OPN3: variants seen among roughly 807,000 people sequenced by gnomAD.
The protein encoded by OPN3 is opsin 3.
In OPN3, 29 loss-of-function variants were observed where a neutral mutation model predicts 33.8. That is an observed-to-expected ratio of 0.86 (90% CI 0.64 to 1.17). The LOEUF is 1.17. OPN3 is among the 50% of genes most tolerant of loss of function. The pLI, the probability that OPN3 is intolerant of heterozygous loss-of-function variation, is 0.00. For missense variants in OPN3, 437 were observed against 514.1 expected, an observed-to-expected ratio of 0.85 and a Z score of 1.45; for synonymous variants, 216 against 216.1, an observed-to-expected ratio of 1.00 and a Z score of 0.00.
rs772054273 is a variant in OPN3 at position 241,640,008 on chromosome 1, T to C, written c.247A>G (p.Ile83Val). Residue 83 changes from isoleucine to valine, a missense_variant, in exon 1 of 4, where the codon ATC becomes GTC. Ile to Val is a conservative substitution (Grantham distance 29, BLOSUM62 3). Transcript: ENST00000366554. ...GACACCAGCAGGTCGCTGAGGCTGA[T>C]GTTGACCAGGAGGAGGTGAGTGGGA... ...RTPTHLLLVNISLSDLLVSLF... is the reference protein window; with the variant it reads ...RTPTHLLLVNVSLSDLLVSLF... The C allele has an allele frequency of 1.2e-6, 2 of 1,613,294 alleles. No homozygotes were observed. Among genetic ancestry groups the C allele is most frequent in the South Asian group, 1.1e-5 (1 of 90,984 alleles).
At chr1:241,634,692 C>T (rs199932635) in intron 1 of OPN3, 48 of 1,613,822 alleles carry the variant, frequency 3.0e-5, no homozygotes, top group Middle Eastern at 1.6e-4. Context: ...TTTTTAGTTG[C>T]GTTAAGACCA....
At chr1:241,639,149 A>C (rs1297554849) in intron 1 of OPN3, 1 of 152,238 alleles carries the variant, frequency 6.6e-6, no homozygotes, top group Non-Finnish European at 1.5e-5. Flanking sequence ...AATGAAATCT[A>C]CCGATTGCAG....
At chr1:241,615,206 A>T (rs1240644116) in intron 1 of OPN3, among the ~76,000 whole-genome samples, 1 of 22,296 alleles carries the variant, frequency 4.5e-5, no homozygotes, top group Non-Finnish European at 1.1e-4. Context: ...GCCAAAGTCT[A>T]AAAAAAAAAA....
rs371999238 is a variant in OPN3 at position 241,607,631 on chromosome 1, AAAAAGG to A, written c.374-3058_374-3053del. On this transcript the variant is annotated intron_variant, in intron 1 of 3. Coordinates refer to ENST00000366554, the MANE Select transcript of OPN3 (RefSeq NM_014322.3). ...AAGGAGGGAAGGAAGGAAGAAAAAG[AAAAAGG>A]AAGAAAGAAGAAAGAAGAAAGAAAG... Among the ~76,000 whole-genome samples the A allele has an allele frequency of 3.5e-3, 533 of 151,410 alleles. 3 individuals carry two copies. Among genetic ancestry groups the A allele is most frequent in the African/African-American group, 0.012 (504 of 41,192 alleles).
chr1:241,635,028 GATCA>G (rs1196358603), intron 1 of OPN3: 4 of 1,613,128 alleles, frequency 2.5e-6, no homozygotes, highest in South Asian at 2.2e-5. Flanking sequence ...TTGATTAAAA[GATCA>G]ATTAGCAATC....
intron 1 of OPN3, among the ~76,000 whole-genome samples, chr1:241,612,407 G>A (rs1348200402): frequency 6.6e-6 from 1 of 152,100 alleles, no homozygotes. Context: ...AGATAGTAAT[G>A]GAAACAAAAC....
At chr1:241,603,530 A>C (rs1040429165) in intron 2 of OPN3, among the ~76,000 whole-genome samples, 1 of 151,994 alleles carries the variant, frequency 6.6e-6, no homozygotes, top group African/African-American at 2.4e-5. Context: ...AAAATAGATG[A>C]TTGAACTGAT....
At chr1:241,635,775 G>A in intron 1 of OPN3, 1 of 1,603,260 alleles carries the variant, frequency 6.2e-7, no homozygotes, top group Non-Finnish European at 8.5e-7. Context: ...ATTTTAGGAA[G>A]TAACAGCGTC....
Position 241,601,614 on chromosome 1 carries a change from G to A in OPN3, c.693+2646C>T, listed in dbSNP as rs774264510. On this transcript the variant is annotated intron_variant, in intron 2 of 3. Transcript: ENST00000366554. ...CCAGCTACTCAGGAGGCTGAGGCAGGAGAATTGCTTGAACCTGTGAGGCGG... is the reference window on the plus strand; with the variant it reads ...CCAGCTACTCAGGAGGCTGAGGCAGAAGAATTGCTTGAACCTGTGAGGCGG... Among the ~76,000 whole-genome samples, 299 of 152,282 alleles carry A rather than the reference G, an allele frequency of 2.0e-3. 1 individual carries two copies. The highest frequency in any genetic ancestry group is 3.1e-3 in the Non-Finnish European group (208 of 68,022).
chr1:241,594,298 T>A lies in OPN3; in HGVS notation c.*130A>T. ...TGAGGCCCAAGAGCATATGGGCAAT[T>A]CGGATTTCCTGCTGGACCACAAGGT... On this transcript the variant is annotated 3_prime_UTR_variant, in exon 4 of 4. Transcript: ENST00000366554. The A allele has an allele frequency of 9.6e-7, 1 of 1,039,076 alleles. No homozygotes were observed. 64.4% of individuals were successfully genotyped at this position (1,039,076 alleles called of 1,614,324 possible).
At position 241,635,381 on chromosome 1, in the gene OPN3, T is replaced by C. The variant is rs780156066; in HGVS notation, c.373+4501A>G. 5.6e-6 allele frequency: 9 copies of C among 1,614,054 alleles called. No individual in the cohort carries two copies. The highest frequency in any genetic ancestry group is 7.6e-6 in the Non-Finnish European group (9 of 1,179,944). ...AGAATCCAGAACTTCAGTGAAGGTA[T>C]TAGACACCCCCAAAGAAGGATTTTT... On this transcript the variant is annotated intron_variant, in intron 1 of 3. Transcript: ENST00000366554.
intron 1 of OPN3, among the ~76,000 whole-genome samples, chr1:241,609,664 C>G (rs910534315): frequency 2.0e-5 from 3 of 152,222 alleles, no homozygotes; most frequent in Non-Finnish European, 4.4e-5. Flanking sequence ...AAAAACAAAC[C>G]AGAAAAAGTA....
At position 241,594,423 on chromosome 1, in the gene OPN3, C is replaced by T; in HGVS notation, c.*5G>A. The T allele has an allele frequency of 1.9e-6, 3 of 1,608,798 alleles. No individual in the cohort carries two copies. The highest frequency in any genetic ancestry group is 2.6e-6 in the Non-Finnish European group (3 of 1,176,122). On this transcript the variant is annotated 3_prime_UTR_variant, in exon 4 of 4. Transcript: ENST00000366554. ...GGCCCCATCTTTCGTTGCCATTCTT[C>T]ATTCCTACAAAGGACGAACTTGGAT...
rs1459297531 is a variant in OPN3 at position 241,598,001 on chromosome 1, C to A, written c.694-4G>T. On this transcript the variant is annotated splice_region_variant and splice_polypyrimidine_tract_variant and intron_variant, in intron 2 of 3. Coordinates refer to ENST00000366554, the MANE Select transcript of OPN3 (RefSeq NM_014322.3). ...GAAGATCTTCCACACAACGAAGCTG[C>A]AGAAAGGAGAAAGAAAGGAAAGGGC... The A allele has an allele frequency of 1.9e-6, 3 of 1,610,794 alleles. No homozygotes were observed. The highest frequency in any genetic ancestry group is 2.5e-6 in the Non-Finnish European group (3 of 1,178,928).
rs769703832 is a variant in OPN3 at position 241,634,006 on chromosome 1, C to T, written c.373+5876G>A. On this transcript the variant is annotated intron_variant, in intron 1 of 3. Transcript: ENST00000366554. ...GTGTTTCAGCTTGCTTGACAGCATG[C>T]TCATTTCCCAGGCCACAGTCAGGCC... 6.8e-6 allele frequency: 11 copies of T among 1,613,938 alleles called. 1 individual carries two copies. The Admixed American group carries it at 1.7e-4, about 24-fold the overall frequency.
Position 241,635,642 on chromosome 1 carries a change from T to C in OPN3, c.373+4240A>G, listed in dbSNP as rs201217182. On this transcript the variant is annotated intron_variant, in intron 1 of 3. Coordinates refer to ENST00000366554, the MANE Select transcript of OPN3 (RefSeq NM_014322.3). Reference sequence around the variant, plus strand: ...GAAACTAGCCCAGTTTCCTCCATAGTAGCTTCTTGAATCAATATGCAGAAC... The same window carrying C: ...GAAACTAGCCCAGTTTCCTCCATAGCAGCTTCTTGAATCAATATGCAGAAC... 4.0e-5 allele frequency: 65 copies of C among 1,614,086 alleles called. 1 individual carries two copies. The East Asian group carries it at 1.1e-3, about 28-fold the overall frequency.
rs539704410 is a variant in OPN3 at position 241,626,652 on chromosome 1, T to C, written c.373+13230A>G. ...AATTTTTCCTTTAAAGCTGGTAAAATACTGCAATGGTTACACAAGCTTTAA... is the reference window on the plus strand; with the variant it reads ...AATTTTTCCTTTAAAGCTGGTAAAACACTGCAATGGTTACACAAGCTTTAA... On this transcript the variant is annotated intron_variant, in intron 1 of 3. Coordinates refer to ENST00000366554, the MANE Select transcript of OPN3 (RefSeq NM_014322.3). Among the ~76,000 whole-genome samples the C allele has an allele frequency of 2.6e-5, 4 of 152,188 alleles. No homozygotes were observed. In the South Asian group the frequency reaches 8.3e-4, roughly 31 times the overall value.
intron 1 of OPN3, among the ~76,000 whole-genome samples, chr1:241,623,413 C>T (rs564839430): frequency 2.4e-4 from 36 of 152,304 alleles, no homozygotes; most frequent in African/African-American, 7.9e-4. Context: ...TGCCTCTCCT[C>T]GATTCATCTT....
intron 2 of OPN3, among the ~76,000 whole-genome samples, chr1:241,601,459 C>A (rs1006643062): frequency 6.6e-6 from 1 of 151,870 alleles, no homozygotes; most frequent in African/African-American, 2.4e-5. Flanking sequence ...AATCCTAGCA[C>A]TTTGGGAGGC....
Sources: gnomAD v4.1 joint callset for allele counts (sites outside exome capture counted in the v4.1 genomes callset) on GRCh38, gnomAD v4.1.1 for gene constraint, MANE v1.5 for transcripts, NCBI Gene and HGNC (gene_info 2026-07-23, HGNC 2026-07-21) for gene names.